The following RFPL1 variants were observed in gnomAD, a reference collection of about 807,000 sequenced individuals.
The protein encoded by RFPL1 is ret finger protein-like 1.
A neutral mutation model predicts 9.6 loss-of-function variants in RFPL1; 6 were observed. The observed-to-expected ratio is 0.62, with a 90% CI of 0.34 to 1.23. The LOEUF (loss-of-function observed/expected upper bound fraction) is 1.23, where lower values mean the gene tolerates loss of function less well. Among genes scored for constraint, RFPL1 ranks in the 50% most tolerant of loss-of-function variants. The pLI is 0.03. For missense variants in RFPL1, 352 were observed against 398.4 expected (o/e 0.88, Z 0.99); for synonymous variants, 145 against 149.4 (o/e 0.97, Z 0.22).
At chr22:29,419,941 G>C in the RFPL1 span, among the ~76,000 whole-genome samples, 95 of 152,296 alleles carry the variant, frequency 6.2e-4, 2 homozygotes, top group South Asian at 0.019. Context: ...CTCAGCCAGG[G>C]AGCTAAAAAC....
the RFPL1 span, among the ~76,000 whole-genome samples, chr22:29,420,633 G>GTTTTTTTTTTTT: frequency 4.9e-5 from 1 of 20,394 alleles, no homozygotes; most frequent in Non-Finnish European, 8.7e-5. Flanking sequence ...ATGGTTTTTT[G>GTTTTTTTTTTTT]CTTTTTTTTT....
the RFPL1 span, among the ~76,000 whole-genome samples, chr22:29,394,705 A>G: frequency 6.6e-6 from 1 of 152,218 alleles, no homozygotes; most frequent in Non-Finnish European, 1.5e-5. Flanking sequence ...TGGGCCAAGC[A>G]TCGTTGTATG....
the RFPL1 span, among the ~76,000 whole-genome samples, chr22:29,425,523 A>C: frequency 6.6e-6 from 1 of 152,226 alleles, no homozygotes; most frequent in Non-Finnish European, 1.5e-5. Flanking sequence ...AGGCCTAAAA[A>C]CACAGCCACC....
At chr22:29,432,084 T>TA in the RFPL1 span, among the ~76,000 whole-genome samples, 1 of 152,210 alleles carries the variant, frequency 6.6e-6, no homozygotes, top group Admixed American at 6.5e-5. Flanking sequence ...TACGCTAACT[T>TA]ACATTAACTT....
At chr22:29,441,864 G>A (rs774066923) in exon 2 of RFPL1, 14 of 1,613,594 alleles carry the variant, frequency 8.7e-6, no homozygotes, top group Middle Eastern at 1.6e-4. Flanking sequence ...GCACGGTGCC[G>A]CTGACTTTCC....
chr22:29,440,231 C>T (rs1170215047), intron 1 of RFPL1: 1 of 152,224 alleles, frequency 6.6e-6, no homozygotes, highest in Non-Finnish European at 1.5e-5. Context: ...CTGCCTAAGT[C>T]ATGTTTGGAA....
the RFPL1 span, among the ~76,000 whole-genome samples, chr22:29,403,925 T>A: frequency 6.6e-6 from 1 of 152,232 alleles, no homozygotes; most frequent in Non-Finnish European, 1.5e-5. Context: ...AGGCATTTTA[T>A]CCCGAGGGTA....
At chr22:29,436,935 C>G (rs1448213974), upstream of RFPL1, 1 of 152,062 alleles carries the variant, frequency 6.6e-6, no homozygotes, top group Non-Finnish European at 1.5e-5. Flanking sequence ...GAAAACAAAG[C>G]AGTAAAGATC....
the RFPL1 span, among the ~76,000 whole-genome samples, chr22:29,389,632 G>A: frequency 2.8e-5 from 4 of 143,852 alleles, no homozygotes; most frequent in African/African-American, 1.0e-4. Flanking sequence ...CTTGCAGTGA[G>A]CCGACATCAC....
the RFPL1 span, among the ~76,000 whole-genome samples, chr22:29,414,702 T>C: frequency 6.6e-6 from 1 of 152,186 alleles, no homozygotes; most frequent in Admixed American, 6.5e-5. Context: ...TTAAATCCCC[T>C]GTTAGGAAAT....
chr22:29,404,975 C>T, the RFPL1 span, among the ~76,000 whole-genome samples: 1 of 152,184 alleles, frequency 6.6e-6, no homozygotes, highest in Non-Finnish European at 1.5e-5. Context: ...AGCAATCCTC[C>T]TGCCTTAGCC....
the RFPL1 span, among the ~76,000 whole-genome samples, chr22:29,404,278 G>A: frequency 1.3e-5 from 2 of 152,180 alleles, no homozygotes; most frequent in African/African-American, 2.4e-5. Flanking sequence ...TAACTTCAGT[G>A]GGTAGCCAAA....
the RFPL1 span, among the ~76,000 whole-genome samples, chr22:29,424,833 A>ACG: frequency 2.5e-5 from 1 of 39,218 alleles, no homozygotes; most frequent in Non-Finnish European, 4.7e-5. Flanking sequence ...TGTCCCTCCC[A>ACG]CCCCCCCCCC....
the RFPL1 span, among the ~76,000 whole-genome samples, chr22:29,426,584 T>A: frequency 6.6e-6 from 1 of 151,916 alleles, no homozygotes; most frequent in Non-Finnish European, 1.5e-5. Flanking sequence ...AAACACTCTC[T>A]CTCCTAAAAA....
chr22:29,404,668 A>G, the RFPL1 span, among the ~76,000 whole-genome samples: 1 of 152,238 alleles, frequency 6.6e-6, no homozygotes, highest in South Asian at 2.1e-4. Context: ...GTTAAGCCTC[A>G]GGATTAAAAC....
At chr22:29,439,153 G>A (rs772390137) in exon 1 of RFPL1, 89 of 1,613,808 alleles carry the variant, frequency 5.5e-5, no homozygotes, top group Middle Eastern at 1.6e-4. Context: ...CCAAGGATGC[G>A]GAAGTTCCAA....
chr22:29,441,680 G>A, exon 2 of RFPL1: 2 of 1,613,936 alleles, frequency 1.2e-6, no homozygotes, highest in Non-Finnish European at 1.7e-6. Flanking sequence ...TGCATCCTGG[G>A]CTCCCCTCGC....
the RFPL1 span, among the ~76,000 whole-genome samples, chr22:29,395,924 G>C: frequency 6.6e-6 from 1 of 152,106 alleles, no homozygotes; most frequent in Non-Finnish European, 1.5e-5. Context: ...AGTGAGCTGA[G>C]ATCATGCCCG....
the RFPL1 span, among the ~76,000 whole-genome samples, chr22:29,431,866 G>A: frequency 7.9e-5 from 12 of 151,562 alleles, no homozygotes; most frequent in Non-Finnish European, 1.0e-4. Flanking sequence ...AATTTTTTTT[G>A]TATTTTTAGT....
Sources: allele counts gnomAD v4.1 joint callset (sites outside exome capture counted in the v4.1 genomes callset), GRCh38; gene constraint gnomAD v4.1.1; transcripts MANE v1.5; gene names NCBI Gene and HGNC (gene_info 2026-07-23, HGNC 2026-07-21).